The following ANKRD31 variants were observed in gnomAD, a reference collection of about 807,000 sequenced individuals.
ANKRD31 encodes the protein ankyrin repeat domain 31, also known as ankyrin repeat domain-containing protein 31.
A neutral mutation model predicts 186.0 loss-of-function variants in ANKRD31; 147 were observed. The ratio of observed to expected loss-of-function variants is 0.79; its 90% CI spans 0.69 to 0.91. The LOEUF is 0.91. ANKRD31 is among the 40% of genes least tolerant of loss of function. ANKRD31 has a pLI of 0.00. For synonymous variants in ANKRD31, 673 were observed against 736.4 expected, an observed-to-expected ratio of 0.91 and a Z score of 1.39; for missense variants, 1,986 against 2,148.8, an observed-to-expected ratio of 0.92 and a Z score of 1.50.
intron 9 of ANKRD31, among the ~76,000 whole-genome samples, chr5:75,188,953 A>G (rs1438521520): frequency 6.6e-6 from 1 of 152,196 alleles, no homozygotes; most frequent in African/African-American, 2.4e-5. Context: ...ATATATGAAA[A>G]GACTAACAGA....
At position 75,099,174 on chromosome 5, in the gene ANKRD31, A is replaced by T. The variant is rs552619446; in HGVS notation, c.5331+5054T>A. On this transcript the variant is annotated intron_variant, in intron 22 of 25. Coordinates refer to ENST00000506364, the MANE Select transcript of ANKRD31 (RefSeq NM_001372053.1). ...GACTTTTGTCACAGGCCTTTTCTGC[A>T]TCTATTGAGATAATCATGGGGTTTT... 3.3e-5 allele frequency among the ~76,000 whole-genome samples: 5 copies of T among 152,322 alleles called. No individual in the cohort carries two copies. In the East Asian group the frequency reaches 9.6e-4, roughly 29 times the overall value.
chr5:75,206,926 T>C (rs774290119), intron 4 of ANKRD31, among the ~76,000 whole-genome samples: 1 of 152,200 alleles, frequency 6.6e-6, no homozygotes, highest in Non-Finnish European at 1.5e-5. Context: ...CTTATCATTC[T>C]TGTATTTCAC....
intron 11 of ANKRD31, among the ~76,000 whole-genome samples, chr5:75,167,681 A>T (rs756486546): frequency 1.2e-4 from 19 of 152,210 alleles, no homozygotes; most frequent in Non-Finnish European, 2.1e-4. Context: ...GGAACCAGAG[A>T]TTATTTCATA....
intron 17 of ANKRD31, 54 bp from the exon 18 acceptor site, chr5:75,118,351 C>CA: frequency 7.6e-7 from 1 of 1,308,048 alleles, no homozygotes; most frequent in Non-Finnish European, 9.9e-7. Flanking sequence ...TGAATAATTT[C>CA]TGTTTTCATC....
At position 75,148,626 on chromosome 5, in the gene ANKRD31, G is replaced by A; in HGVS notation, c.1855C>T (p.Gln619Ter). The change falls in exon 13 of 26, where the codon CAA becomes TAA. Residue 619 changes from glutamine (Q) to a stop codon, truncating the protein, a stop_gained and splice_region_variant. Coordinates refer to ENST00000506364, the MANE Select transcript of ANKRD31 (RefSeq NM_001372053.1). LOFTEE classifies it high-confidence loss of function. ...TCTAGTGGGTCAATGCTACTCCTTT[G>A]AGCTGTAAACAAAAAGAGAAAATCA... ...PKHQKCLTSA[Q>*]RSSIDPLDIE... is the part of the protein sequence containing the mutation. 1.3e-6 allele frequency: 2 copies of A among 1,520,392 alleles called. No individual in the cohort carries two copies. Among genetic ancestry groups the A allele is most frequent in the Non-Finnish European group, 1.8e-6 (2 of 1,138,058 alleles). The allele number at this position is 1,520,392 out of a possible 1,614,324, so 94.2% of individuals were successfully genotyped here.
At position 75,188,573 on chromosome 5, in the gene ANKRD31, T is replaced by A. The variant is rs1453673078; in HGVS notation, c.1484A>T (p.Lys495Met). Residue 495 changes from lysine (K) to methionine (M), a missense_variant, in exon 10 of 26, where the codon AAG becomes ATG. Transcript: ENST00000506364. ...ATCAGCATCATCGTGTAGAGCAGCC[T>A]TATATACTAAGTTCTCTCCAAAAAT... is the stretch of plus-strand genomic sequence containing the variant. ...RNIFGENLVYKAALHDDADLV... is the reference protein window; with the variant it reads ...RNIFGENLVYMAALHDDADLV... The A allele has an allele frequency of 6.5e-7, 1 of 1,536,360 alleles. No homozygotes were observed. Among genetic ancestry groups the A allele is most frequent in the Non-Finnish European group, 8.7e-7 (1 of 1,146,294 alleles).
chr5:75,195,811 A>G lies in ANKRD31; in HGVS notation c.837T>C (p.Asp279=). 6.5e-7 allele frequency: 1 copy of G among 1,537,332 alleles called. No individual in the cohort carries two copies. The highest frequency in any genetic ancestry group is 8.7e-7 in the Non-Finnish European group (1 of 1,146,886). ...CAGCTGGCAATGCATCATCTTTTGCATCTTCTAGTAAATCTCTATGACATG... is the reference window on the plus strand; with the variant it reads ...CAGCTGGCAATGCATCATCTTTTGCGTCTTCTAGTAAATCTCTATGACATG... ...WSACHRDLLE[D]AKDDALPAEL... The change falls in exon 7 of 26, where the codon GAT becomes GAC. Residue 279 remains aspartate (D), a synonymous_variant. Coordinates refer to ENST00000506364, the MANE Select transcript of ANKRD31 (RefSeq NM_001372053.1).
At chr5:75,167,899 TAGAC>T (rs1168516587) in intron 11 of ANKRD31, among the ~76,000 whole-genome samples, 1 of 152,132 alleles carries the variant, frequency 6.6e-6, no homozygotes, top group East Asian at 1.9e-4. Context: ...GCTATGGTGT[TAGAC>T]AGAAGAAGTG....
intron 20 of ANKRD31, among the ~76,000 whole-genome samples, 170 bp from the exon 21 acceptor site, chr5:75,107,787 A>G (rs909783838): frequency 1.3e-5 from 2 of 151,988 alleles, no homozygotes; most frequent in African/African-American, 4.8e-5. Context: ...ATGTCAATCT[A>G]TGGAAATGCC....
chr5:75,128,149 T>C (rs1422543900), intron 17 of ANKRD31, among the ~76,000 whole-genome samples: 2 of 151,748 alleles, frequency 1.3e-5, no homozygotes, highest in Non-Finnish European at 2.9e-5. Context: ...TTCAGCATAA[T>C]ACTGATCAGA....
At chr5:75,092,429 A>G (rs1459968447) in intron 22 of ANKRD31, among the ~76,000 whole-genome samples, 1 of 152,194 alleles carries the variant, frequency 6.6e-6, no homozygotes, top group Admixed American at 6.5e-5. Flanking sequence ...CCCCTAGGAC[A>G]TTGTTGAAAA....
chr5:75,227,186 C>T (rs934599720), intron 2 of ANKRD31, among the ~76,000 whole-genome samples: 1 of 152,150 alleles, frequency 6.6e-6, no homozygotes, highest in African/African-American at 2.4e-5. Context: ...AAAATACAAA[C>T]TTCACATGTT....
intron 11 of ANKRD31, among the ~76,000 whole-genome samples, chr5:75,155,419 T>C (rs1752099410): frequency 6.6e-6 from 1 of 152,170 alleles, no homozygotes; most frequent in African/African-American, 2.4e-5. Context: ...CACTTCCTCA[T>C]TCTTTTCAGC....
chr5:75,232,906 A>T (rs1015856034), intron 1 of ANKRD31, among the ~76,000 whole-genome samples: 1 of 152,220 alleles, frequency 6.6e-6, no homozygotes, highest in Non-Finnish European at 1.5e-5. Context: ...ATTTCTCAAT[A>T]GCCAAGAGAA....
rs906025933 is a variant in ANKRD31, at chr5:75,188,663, T to A, written c.1409-15A>T. ...CTTCATTTTTTCTGAAATGAGGGAATGAACAAAAGAAAAAAATCATTATTT... is the reference window on the plus strand; with the variant it reads ...CTTCATTTTTTCTGAAATGAGGGAAAGAACAAAAGAAAAAAATCATTATTT... On this transcript the variant is annotated splice_polypyrimidine_tract_variant and intron_variant, in intron 9 of 25. Transcript: ENST00000506364. 6.6e-7 allele frequency: 1 copy of A among 1,511,416 alleles called. No individual in the cohort carries two copies. The highest frequency in any genetic ancestry group is 1.2e-5 in the South Asian group (1 of 80,054). 93.6% of individuals were successfully genotyped at this position (1,511,416 alleles called of 1,614,324 possible).
At chr5:75,162,505 C>A (rs143053965) in intron 11 of ANKRD31, among the ~76,000 whole-genome samples, 1 of 152,104 alleles carries the variant, frequency 6.6e-6, no homozygotes, top group Non-Finnish European at 1.5e-5. Context: ...GATGAGACTT[C>A]GGACTGTGGA....
intron 17 of ANKRD31, among the ~76,000 whole-genome samples, chr5:75,119,688 T>C (rs556731210): frequency 4.6e-5 from 7 of 152,360 alleles, no homozygotes; most frequent in Non-Finnish European, 7.3e-5. Flanking sequence ...CCACAGTAGT[T>C]GAACTAATTT....
intron 10 of ANKRD31, among the ~76,000 whole-genome samples, chr5:75,187,210 T>C (rs894515476): frequency 2.0e-5 from 3 of 150,434 alleles, no homozygotes; most frequent in Non-Finnish European, 4.4e-5. Flanking sequence ...CTATTGAAAA[T>C]GGAAACTCTG....
Position 75,206,427 on chromosome 5 carries a change from G to C in ANKRD31, c.387C>G (p.Asn129Lys), listed in dbSNP as rs1204439971. Residue 129 changes from asparagine (N) to lysine (K), a missense_variant, in exon 5 of 26, where the codon AAC (asparagine) becomes AAG (lysine). Asn to Lys is a moderately conservative substitution (Grantham distance 94, BLOSUM62 0). Transcript: ENST00000506364. ...AAAACATACCTTCAATATTTTGGTG[G>C]TTCAATGAAAGTCCAGACTGGCGAA... ...GSFRQSGLSLNHQNIEGPEAE... is the reference protein window; with the variant it reads ...GSFRQSGLSLKHQNIEGPEAE... 1 of 1,477,610 alleles carries C rather than the reference G, an allele frequency of 6.8e-7. No individual in the cohort carries two copies. Among genetic ancestry groups the C allele is most frequent in the Non-Finnish European group, 8.9e-7 (1 of 1,121,778 alleles). The allele number at this position is 1,477,610 out of a possible 1,614,324, so 91.5% of individuals were successfully genotyped here. A position where few individuals can be genotyped will look rare whatever the true frequency, so the allele number is the denominator to read the frequency against.
Sources: gnomAD v4.1 joint callset for allele counts (sites outside exome capture counted in the v4.1 genomes callset) on GRCh38, gnomAD v4.1.1 for gene constraint, MANE v1.5 for transcripts, NCBI Gene and HGNC (gene_info 2026-07-23, HGNC 2026-07-21) for gene names.